SH3KBP1: variants seen among roughly 807,000 people sequenced by gnomAD.
SH3KBP1 encodes SH3 domain containing kinase binding protein 1.
A neutral mutation model predicts 50.1 loss-of-function variants in SH3KBP1; 8 were observed. That is an observed-to-expected ratio of 0.16 (90% CI 0.09 to 0.29). The LOEUF (loss-of-function observed/expected upper bound fraction) is 0.29, where lower values mean the gene tolerates loss of function less well. SH3KBP1 is among the 10% of genes least tolerant of loss of function. The pLI is 1.00. For missense variants in SH3KBP1, 377 were observed against 535.2 expected, an observed-to-expected ratio of 0.70 and a Z score of 2.92; for synonymous variants, 227 against 218.6, an observed-to-expected ratio of 1.04 and a Z score of -0.34.
At chrX:19,760,047 T>TCTCC (rs2065357203) in intron 2 of SH3KBP1, among the ~76,000 whole-genome samples, 2 of 67,101 alleles carry the variant, frequency 3.0e-5, no homozygotes, top group Non-Finnish European at 5.5e-5. Context: ...TCTCCCTCTC[T>TCTCC]CTCTCTCTCT....
chrX:19,756,184 C>T (rs1036785378), intron 2 of SH3KBP1, among the ~76,000 whole-genome samples: 8 of 111,199 alleles, frequency 7.2e-5, no homozygotes, highest in South Asian at 3.7e-4. Context: ...TGTATCATTC[C>T]GGCTATTTTC....
At chrX:19,727,268 C>A (rs1157660795) in intron 3 of SH3KBP1, among the ~76,000 whole-genome samples, 1 of 112,302 alleles carries the variant, frequency 8.9e-6, no homozygotes, top group Non-Finnish European at 1.9e-5. Flanking sequence ...CTCCAGAAGT[C>A]TTTTCATTTT....
intron 11 of SH3KBP1, among the ~76,000 whole-genome samples, chrX:19,591,511 T>C (rs934123843): frequency 9.0e-6 from 1 of 111,681 alleles, no homozygotes; most frequent in African/African-American, 3.3e-5. Flanking sequence ...GGGACCAAGC[T>C]GCTTTCCCAG....
intron 2 of SH3KBP1, among the ~76,000 whole-genome samples, chrX:19,828,826 T>C (rs964045511): frequency 9.0e-6 from 1 of 111,638 alleles, no homozygotes; most frequent in Non-Finnish European, 1.9e-5. Flanking sequence ...TGTCAGTTCC[T>C]GGGGCCCAAT....
At chrX:19,887,193 G>T in intron 1 of SH3KBP1, 114 bp downstream of exon 1, 1 of 637,157 alleles carries the variant, frequency 1.6e-6, no homozygotes, top group Non-Finnish European at 2.1e-6. Context: ...CCACCGCGGT[G>T]TCCCCCGTCC....
At chrX:19,797,817 G>A (rs1288739189) in intron 2 of SH3KBP1, among the ~76,000 whole-genome samples, 15 of 109,031 alleles carry the variant, frequency 1.4e-4, no homozygotes, top group Non-Finnish European at 9.5e-5. Context: ...CACTATCATC[G>A]GTAATTAACT....
At chrX:19,834,693 A>T (rs1028837427) in intron 2 of SH3KBP1, among the ~76,000 whole-genome samples, 2 of 111,901 alleles carry the variant, frequency 1.8e-5, no homozygotes, top group African/African-American at 6.5e-5. Flanking sequence ...TTAATGCTTC[A>T]TGGACATAAA....
chrX:19,573,782 G>A (rs1441404614), intron 12 of SH3KBP1, among the ~76,000 whole-genome samples: 1 of 111,171 alleles, frequency 9.0e-6, no homozygotes, highest in African/African-American at 3.3e-5. Flanking sequence ...TGGTTTGCAG[G>A]CCAGGGGTGG....
At chrX:19,634,446 G>T (rs1456326818) in intron 7 of SH3KBP1, among the ~76,000 whole-genome samples, 6 of 111,524 alleles carry the variant, frequency 5.4e-5, no homozygotes, top group African/African-American at 2.0e-4. Flanking sequence ...TATGTGTAAG[G>T]CATTAGACAC....
chrX:19,756,130 C>A (rs1442000830), intron 2 of SH3KBP1, among the ~76,000 whole-genome samples: 2 of 111,082 alleles, frequency 1.8e-5, no homozygotes, highest in African/African-American at 6.6e-5. Context: ...CAGTGGTATT[C>A]CTGTACAACA....
chrX:19,589,532 T>C (rs1230683197), intron 11 of SH3KBP1, among the ~76,000 whole-genome samples: 3 of 111,861 alleles, frequency 2.7e-5, no homozygotes, highest in Non-Finnish European at 5.6e-5. Flanking sequence ...CCAAGGCTTT[T>C]TGGAGTCACA....
chrX:19,560,357 G>T (rs1179174593), intron 13 of SH3KBP1, among the ~76,000 whole-genome samples: 2 of 111,945 alleles, frequency 1.8e-5, no homozygotes, highest in Admixed American at 1.9e-4. Context: ...AGGATTCAGA[G>T]GCTACCAAAA....
intron 9 of SH3KBP1, among the ~76,000 whole-genome samples, chrX:19,605,490 T>C (rs1207884891): frequency 8.9e-6 from 1 of 111,763 alleles, no homozygotes; most frequent in East Asian, 2.8e-4. Context: ...GGAGTCACCA[T>C]GAAGGTCTTG....
chrX:19,706,970 G>C lies in SH3KBP1; in HGVS notation c.301C>G (p.Arg101Gly), dbSNP rs769487115. 1 of 1,207,958 alleles carries C rather than the reference G, an allele frequency of 8.3e-7. No individual in the cohort carries two copies. The highest frequency in any genetic ancestry group is 1.1e-6 in the Non-Finnish European group (1 of 893,099). ...RTNKRGERRRRRCQVAFSYLP... is the reference protein window; with the variant it reads ...RTNKRGERRRGRCQVAFSYLP... ...TAGCTGAATGCCACCTGGCACCGGC[G>C]CCTCCGTCGCTCGCCTGGATGGGAA... The change falls in exon 4 of 18, where the codon CGC (arginine) becomes GGC (glycine). Residue 101 changes from arginine (R) to glycine (G), a missense_variant. Arg to Gly is a moderately radical substitution (Grantham distance 125, BLOSUM62 -2). Transcript: ENST00000397821.
intron 12 of SH3KBP1, among the ~76,000 whole-genome samples, chrX:19,583,973 G>A (rs1398940863): frequency 4.5e-5 from 4 of 88,973 alleles, no homozygotes; most frequent in African/African-American, 1.7e-4. Flanking sequence ...ATATATTAAT[G>A]ATATATTTCT....
intron 8 of SH3KBP1, among the ~76,000 whole-genome samples, chrX:19,630,562 C>A (rs752439887): frequency 8.9e-6 from 1 of 112,002 alleles, no homozygotes; most frequent in Non-Finnish European, 1.9e-5. Context: ...CAGAGACATA[C>A]TGAAATAACT....
At chrX:19,572,140 C>T (rs1451057062) in intron 12 of SH3KBP1, among the ~76,000 whole-genome samples, 4 of 108,809 alleles carry the variant, frequency 3.7e-5, no homozygotes, top group Non-Finnish European at 7.6e-5. Flanking sequence ...CTTTACTGCT[C>T]TTATTTTCCT....
chrX:19,590,063 C>T (rs571889370), intron 11 of SH3KBP1, among the ~76,000 whole-genome samples: 2 of 110,973 alleles, frequency 1.8e-5, no homozygotes, highest in African/African-American at 6.6e-5. Flanking sequence ...GAGCTACAAT[C>T]GCACCACTGC....
chrX:19,578,112 G>C (rs1198876701), intron 12 of SH3KBP1, among the ~76,000 whole-genome samples: 1 of 112,087 alleles, frequency 8.9e-6, no homozygotes, highest in Non-Finnish European at 1.9e-5. Context: ...GCAGATCCTA[G>C]AGAAACCACT....
Sources: gnomAD v4.1 joint callset for allele counts (sites outside exome capture counted in the v4.1 genomes callset) on GRCh38, gnomAD v4.1.1 for gene constraint, MANE v1.5 for transcripts, NCBI Gene and HGNC (gene_info 2026-07-23, HGNC 2026-07-21) for gene names.